Variants in GABBR2 observed in about 807,000 individuals in gnomAD.
GABBR2 encodes the protein gamma-aminobutyric acid type B receptor subunit 2, also known as G-protein coupled receptor 51.
Under a neutral mutation model 105.6 loss-of-function variants are expected in GABBR2, and 23 were observed. The observed-to-expected ratio is 0.22, with a 90% CI of 0.16 to 0.31. GABBR2 has a LOEUF of 0.31. Ranked by LOEUF, GABBR2 falls within the 10% of genes least tolerant of loss-of-function variation. The pLI is 1.00. For synonymous variants in GABBR2, 478 were observed against 499.7 expected, an observed-to-expected ratio of 0.96 and a Z score of 0.58; for missense variants, 734 against 1,245.5, an observed-to-expected ratio of 0.59 and a Z score of 6.18.
chr9:98,641,548 C>T (rs1829962554), intron 1 of GABBR2, among the ~76,000 whole-genome samples: 1 of 152,146 alleles, frequency 6.6e-6, no homozygotes, highest in African/African-American at 2.4e-5. Context: ...TATTTTAGGA[C>T]CTAAGTTATC....
intron 4 of GABBR2, among the ~76,000 whole-genome samples, chr9:98,483,509 A>T (rs969494278): frequency 2.2e-4 from 33 of 152,228 alleles, no homozygotes; most frequent in African/African-American, 7.7e-4. Context: ...TGTGCTAAAG[A>T]TAGAGATGGT....
chr9:98,369,675 A>T (rs1335911812), intron 12 of GABBR2, among the ~76,000 whole-genome samples: 1 of 152,176 alleles, frequency 6.6e-6, no homozygotes, highest in Non-Finnish European at 1.5e-5. Context: ...AGCAAAATGC[A>T]GGCTTGGATG....
At chr9:98,450,932 C>A (rs1826219130) in intron 7 of GABBR2, among the ~76,000 whole-genome samples, 2 of 152,152 alleles carry the variant, frequency 1.3e-5, no homozygotes. Context: ...AGGCAAAATG[C>A]AGAGTTCTAG....
intron 6 of GABBR2, among the ~76,000 whole-genome samples, chr9:98,463,835 T>C (rs562816024): frequency 9.0e-4 from 137 of 152,258 alleles, no homozygotes; most frequent in Middle Eastern, 6.8e-3. Context: ...GGGGTTTCGC[T>C]GTGTTGACCG....
intron 7 of GABBR2, among the ~76,000 whole-genome samples, chr9:98,445,133 G>T (rs796158581): frequency 2.0e-5 from 3 of 152,340 alleles, no homozygotes; most frequent in African/African-American, 7.2e-5. Context: ...ATTCACTAGA[G>T]GTTATCAGGA....
chr9:98,697,130 C>T (rs1830762911), intron 1 of GABBR2, among the ~76,000 whole-genome samples: 1 of 152,192 alleles, frequency 6.6e-6, no homozygotes, highest in South Asian at 2.1e-4. Context: ...CAGCTCGACA[C>T]TTGGTTGGTT....
At chr9:98,326,939 G>A (rs980395293) in intron 13 of GABBR2, among the ~76,000 whole-genome samples, 4 of 152,250 alleles carry the variant, frequency 2.6e-5, no homozygotes, top group Non-Finnish European at 5.9e-5. Context: ...GGGTCATAGA[G>A]CTACAAAGGT....
intron 17 of GABBR2, among the ~76,000 whole-genome samples, chr9:98,298,015 C>T (rs1830409541): frequency 6.9e-6 from 1 of 145,724 alleles, no homozygotes; most frequent in African/African-American, 2.6e-5. Context: ...GCACTCCAGC[C>T]TGGGTGACAG....
intron 1 of GABBR2, among the ~76,000 whole-genome samples, chr9:98,600,924 T>C (rs1351858948): frequency 2.6e-5 from 4 of 152,204 alleles, no homozygotes; most frequent in South Asian, 2.1e-4. Flanking sequence ...AATGAAAAGC[T>C]TATCATGTCC....
At chr9:98,340,228 G>C (rs1264774050) in intron 13 of GABBR2, among the ~76,000 whole-genome samples, 1 of 150,038 alleles carries the variant, frequency 6.7e-6, no homozygotes, top group African/African-American at 2.5e-5. Flanking sequence ...AGCAGACCCT[G>C]ACTAATGCAT....
At chr9:98,465,329 T>TA (rs1826526929) in intron 6 of GABBR2, among the ~76,000 whole-genome samples, 2 of 151,994 alleles carry the variant, frequency 1.3e-5, no homozygotes, top group African/African-American at 4.8e-5. Flanking sequence ...GATATCCATG[T>TA]AAAAAAAGAA....
At chr9:98,663,655 A>C (rs1223091575) in intron 1 of GABBR2, among the ~76,000 whole-genome samples, 1 of 80,536 alleles carries the variant, frequency 1.2e-5, no homozygotes, top group South Asian at 4.4e-4. Flanking sequence ...CAGCTGCCCC[A>C]CTAAAAAAAA....
chr9:98,692,018 A>G (rs1371340655), intron 1 of GABBR2, among the ~76,000 whole-genome samples: 3 of 152,236 alleles, frequency 2.0e-5, no homozygotes, highest in Non-Finnish European at 4.4e-5. Context: ...ACTGATAACT[A>G]TCAGTTTTGG....
intron 1 of GABBR2, among the ~76,000 whole-genome samples, chr9:98,677,436 T>G (rs1830490578): frequency 6.6e-6 from 1 of 152,242 alleles, no homozygotes; most frequent in Non-Finnish European, 1.5e-5. Flanking sequence ...GTTTTGCTGA[T>G]TTTTCAGAAT....
At chr9:98,357,982 C>T (rs914809808) in intron 13 of GABBR2, among the ~76,000 whole-genome samples, 1 of 152,330 alleles carries the variant, frequency 6.6e-6, no homozygotes, top group Non-Finnish European at 1.5e-5. Flanking sequence ...GCGTGACTTG[C>T]TGTTTTTGCT....
At chr9:98,326,277 T>C (rs10985884) in intron 13 of GABBR2, among the ~76,000 whole-genome samples, 60,536 of 152,096 alleles carry the variant, frequency 0.4, 12,321 homozygotes, top group East Asian at 0.56. Context: ...CCTCTAACTA[T>C]AATTTAGCAT....
At chr9:98,448,919 T>TTAA (rs1554707035) in intron 7 of GABBR2, among the ~76,000 whole-genome samples, 7 of 146,572 alleles carry the variant, frequency 4.8e-5, no homozygotes, top group African/African-American at 1.8e-4. Context: ...GGAAAGAGTT[T>TTAA]AAAAAAAAAA....
intron 7 of GABBR2, among the ~76,000 whole-genome samples, chr9:98,429,906 T>C (rs1825768052): frequency 6.6e-6 from 1 of 152,250 alleles, no homozygotes; most frequent in Non-Finnish European, 1.5e-5. Flanking sequence ...ACTGGCTTCC[T>C]TGTCATGCCC....
intron 2 of GABBR2, among the ~76,000 whole-genome samples, chr9:98,548,411 C>T (rs1828430988): frequency 8.4e-6 from 1 of 118,456 alleles, no homozygotes; most frequent in Non-Finnish European, 1.9e-5. Context: ...TAGATCAACA[C>T]AGTACATTAA....
Sources: allele counts gnomAD v4.1 joint callset (sites outside exome capture counted in the v4.1 genomes callset), GRCh38; gene constraint gnomAD v4.1.1; transcripts MANE v1.5; gene names NCBI Gene and HGNC (gene_info 2026-07-23, HGNC 2026-07-21).